Variants in NDE1 observed in about 807,000 individuals in gnomAD.
The protein encoded by NDE1 is nudE neurodevelopment protein 1.
NDE1 carries 28 observed loss-of-function variants against 43.4 expected under a neutral mutation model. That is an observed-to-expected ratio of 0.65 (90% CI 0.48 to 0.89). The LOEUF (loss-of-function observed/expected upper bound fraction) is 0.89. NDE1 is among the 40% of genes least tolerant of loss of function. The pLI is 0.00. For synonymous variants in NDE1, 184 were observed against 172.0 expected (o/e 1.07, Z -0.55); for missense variants, 441 against 434.1 (o/e 1.02, Z -0.14).
At position 15,690,337 on chromosome 16, in the gene NDE1, CTTTTTTTTTTTTTTTCTTTTTTTTTT is replaced by C. The variant is rs1456527445; in HGVS notation, c.524-791_524-766del. Among the ~76,000 whole-genome samples, 272 of 74,106 alleles carry C rather than the reference CTTTTTTTTTTTTTTTCTTTTTTTTTT, an allele frequency of 3.7e-3. 3 individuals are homozygous for C. The highest frequency in any genetic ancestry group is 0.012 in the African/African-American group (245 of 21,226). 48.6% of individuals were successfully genotyped at this position (74,106 alleles called of 152,430 possible). ...ATAGGCTTGAGCCAGTGCAACTGGCCTTTTTTTTTTTTTTTCTTTTTTTTTTTTTTTTTTTTTTTTTTTTGAGCCAG... is the reference window on the plus strand; with the variant it reads ...ATAGGCTTGAGCCAGTGCAACTGGCCTTTTTTTTTTTTTTTTTTGAGCCAG... On this transcript the variant is annotated intron_variant, in intron 5 of 8. Coordinates refer to ENST00000396354, the MANE Select transcript of NDE1 (RefSeq NM_017668.3).
chr16:15,724,728 C>T lies in NDE1; in HGVS notation c.*477C>T, dbSNP rs1060504019. The T allele has an allele frequency of 1.2e-6, 2 of 1,614,162 alleles. No homozygotes were observed. Among genetic ancestry groups the T allele is most frequent in the Non-Finnish European group, 8.5e-7 (1 of 1,180,024 alleles). ...CGTCCAGCTGGTCTTGCAGGCTGTT[C>T]CGCTCCTCCTCCAGCTGGCGCAGCT... On this transcript the variant is annotated 3_prime_UTR_variant, in exon 9 of 9. Coordinates refer to ENST00000396354, the MANE Select transcript of NDE1 (RefSeq NM_017668.3).
chr16:15,718,157 T>A, intron 8 of NDE1: 1 of 1,154,594 alleles, frequency 8.7e-7, no homozygotes, highest in South Asian at 1.3e-5. Flanking sequence ...GGCACTGGTG[T>A]AAGGGCCCTG....
chr16:15,721,153 T>C, intron 8 of NDE1: 1 of 1,310,648 alleles, frequency 7.6e-7, no homozygotes, highest in Admixed American at 1.9e-5. Flanking sequence ...GGAGGTGGCT[T>C]TGGCCTCCCA....
chr16:15,717,853 C>G (rs1210289694), intron 8 of NDE1: 1 of 266,528 alleles, frequency 3.8e-6, no homozygotes, highest in Non-Finnish European at 7.3e-6. Flanking sequence ...AGTGACTTGT[C>G]CCTTGCTTTC....
chr16:15,665,470 A>G (rs1436410048), intron 2 of NDE1, among the ~76,000 whole-genome samples: 1 of 150,552 alleles, frequency 6.6e-6, no homozygotes, highest in African/African-American at 2.4e-5. Flanking sequence ...TTTGAGACAG[A>G]GTCTCACTCT....
rs2151204012 is a variant in NDE1 at position 15,719,435 on chromosome 16, A to G, written c.948-4756A>G. On this transcript the variant is annotated intron_variant, in intron 8 of 8. Transcript: ENST00000396354. ...CTCTGAGCTCAGGGGAGGCCCCGTG[A>G]ATACATAGAGGAGGGAAGCGTGTGT... 2.7e-6 allele frequency: 4 copies of G among 1,477,594 alleles called. No homozygotes were observed. In the South Asian group the frequency reaches 3.4e-5, roughly 13 times the overall value. The allele number at this position is 1,477,594 out of a possible 1,614,324, so 91.5% of individuals were successfully genotyped here. A position where few individuals can be genotyped will look rare whatever the true frequency, so the allele number is the denominator to read the frequency against.
At chr16:15,659,556 C>T (rs906613413) in intron 1 of NDE1, among the ~76,000 whole-genome samples, 1 of 148,532 alleles carries the variant, frequency 6.7e-6, no homozygotes, top group Non-Finnish European at 1.5e-5. Context: ...CCCGCCTCAG[C>T]CTCCCGAGTA....
chr16:15,708,703 G>T, intron 8 of NDE1: 1 of 1,279,922 alleles, frequency 7.8e-7, no homozygotes, highest in Non-Finnish European at 1.1e-6. Flanking sequence ...TCGTGGAAAT[G>T]TGCAAGGGTT....
intron 8 of NDE1, chr16:15,717,154 G>C (rs770582589): frequency 6.2e-7 from 1 of 1,614,150 alleles, no homozygotes; most frequent in Non-Finnish European, 8.5e-7. Flanking sequence ...CCTCCTGCTC[G>C]ACCTGCTCCT....
At chr16:15,673,028 G>A (rs796226276) in intron 3 of NDE1, among the ~76,000 whole-genome samples, 12 of 152,168 alleles carry the variant, frequency 7.9e-5, no homozygotes, top group African/African-American at 2.4e-4. Flanking sequence ...CTCTCGCCAC[G>A]CCTCTCTGGC....
intron 3 of NDE1, among the ~76,000 whole-genome samples, chr16:15,668,288 TG>T (rs1475354800): frequency 7.9e-5 from 12 of 152,098 alleles, no homozygotes; most frequent in African/African-American, 2.4e-4. Flanking sequence ...ACTTGATGGT[TG>T]GAGGCTGTAG....
intron 3 of NDE1, among the ~76,000 whole-genome samples, chr16:15,670,853 T>C (rs1750730851): frequency 1.3e-5 from 2 of 151,916 alleles, no homozygotes; most frequent in African/African-American, 4.8e-5. Context: ...GCTTTACTAA[T>C]GTATAGGAAA....
intron 1 of NDE1, among the ~76,000 whole-genome samples, chr16:15,660,162 C>T (rs1596551997): frequency 6.6e-6 from 1 of 152,078 alleles, no homozygotes; most frequent in Non-Finnish European, 1.5e-5. Context: ...GTATACAAAC[C>T]GTTAGCCCAA....
intron 5 of NDE1, among the ~76,000 whole-genome samples, chr16:15,690,337 C>CTTTTTTTGTTT (rs2038671181): frequency 1.3e-5 from 1 of 74,108 alleles, no homozygotes; most frequent in Non-Finnish European, 2.7e-5. Context: ...TGCAACTGGC[C>CTTTTTTTGTTT]TTTTTTTTTT....
intron 1 of NDE1, among the ~76,000 whole-genome samples, chr16:15,659,905 C>T (rs765952029): frequency 1.5e-4 from 23 of 151,366 alleles, no homozygotes; most frequent in African/African-American, 4.6e-4. Flanking sequence ...CCTGCCACTG[C>T]GCCCGCCTAA....
intron 8 of NDE1, among the ~76,000 whole-genome samples, chr16:15,723,187 C>T (rs760455099): frequency 2.0e-5 from 3 of 152,114 alleles, no homozygotes; most frequent in Non-Finnish European, 4.4e-5. Flanking sequence ...ATTTGTGAAT[C>T]TCATCACATG....
At chr16:15,694,460 C>T in intron 7 of NDE1, 1 of 1,361,414 alleles carries the variant, frequency 7.3e-7, no homozygotes, top group Non-Finnish European at 1.0e-6. Context: ...ATCCTCTCAC[C>T]TTAGCTTCCC....
rs145302263 is a variant in NDE1, at chr16:15,718,145, T to C, written c.948-6046T>C. The stretch of plus-strand genomic sequence containing the variant: ...GAGGAGTATTCTGAAGACAGCAGCC[T>C]GGGCACTGGTGTAAGGGCCCTGGAT... On this transcript the variant is annotated intron_variant, in intron 8 of 8. Coordinates refer to ENST00000396354, the MANE Select transcript of NDE1 (RefSeq NM_017668.3). 3.4e-4 allele frequency: 341 copies of C among 1,012,804 alleles called. No individual in the cohort carries two copies. In the African/African-American group the frequency reaches 4.5e-3, roughly 13 times the overall value. The allele number at this position is 1,012,804 out of a possible 1,614,324, so 62.7% of individuals were successfully genotyped here.
chr16:15,715,309 G>C lies in NDE1; in HGVS notation c.948-8882G>C, dbSNP rs776028677. 19 of 1,605,720 alleles carry C rather than the reference G, an allele frequency of 1.2e-5. No individual in the cohort carries two copies. The South Asian group carries it at 2.0e-4, about 17-fold the overall frequency. Reference sequence around the variant, plus strand: ...AAGGAAAACAGGTGGTTTCAGCGGAGGGTGGCACCCCTTGTAGCTGGTGTG... The same window carrying C: ...AAGGAAAACAGGTGGTTTCAGCGGACGGTGGCACCCCTTGTAGCTGGTGTG... On this transcript the variant is annotated intron_variant, in intron 8 of 8. Coordinates refer to ENST00000396354, the MANE Select transcript of NDE1 (RefSeq NM_017668.3).
Sources: gnomAD v4.1 joint callset for allele counts (sites outside exome capture counted in the v4.1 genomes callset) on GRCh38, gnomAD v4.1.1 for gene constraint, MANE v1.5 for transcripts, NCBI Gene and HGNC (gene_info 2026-07-23, HGNC 2026-07-21) for gene names.